The following SORCS3 variants were observed in gnomAD, a reference collection of about 807,000 sequenced individuals.
SORCS3 encodes the protein VPS10 domain-containing receptor SorCS3.
A neutral mutation model predicts 146.3 loss-of-function variants in SORCS3; 57 were observed. The observed-to-expected ratio is 0.39, with a 90% confidence interval of 0.31 to 0.49. SORCS3 has a LOEUF of 0.49. Among genes scored for constraint, SORCS3 ranks in the 20% least tolerant of loss-of-function variants. The pLI is 0.92. For synonymous variants in SORCS3, 653 were observed against 618.5 expected, an observed-to-expected ratio of 1.06 and a Z score of -0.83; for missense variants, 1,341 against 1,575.5, an observed-to-expected ratio of 0.85 and a Z score of 2.52.
At chr10:104,755,442 G>A (rs1192976414) in intron 1 of SORCS3, among the ~76,000 whole-genome samples, 1 of 152,188 alleles carries the variant, frequency 6.6e-6, no homozygotes, top group Non-Finnish European at 1.5e-5. Context: ...ATTTAGATCA[G>A]TAATAAGATT....
intron 12 of SORCS3, among the ~76,000 whole-genome samples, chr10:105,167,003 A>G (rs2056319380): frequency 6.6e-6 from 1 of 152,124 alleles, no homozygotes; most frequent in Admixed American, 6.5e-5. Context: ...TTCATGTAGC[A>G]TGCTGGTTCA....
At chr10:104,791,276 A>G (rs953125943) in intron 1 of SORCS3, among the ~76,000 whole-genome samples, 1 of 152,220 alleles carries the variant, frequency 6.6e-6, no homozygotes, top group Non-Finnish European at 1.5e-5. Context: ...TGGAGGTGCT[A>G]TGGATTCAGA....
intron 10 of SORCS3, 86 bp downstream of exon 10, chr10:105,157,370 T>A (rs546813895): frequency 1.6e-5 from 24 of 1,513,274 alleles, no homozygotes; most frequent in Non-Finnish European, 2.2e-5. Flanking sequence ...CGTCAAAGGG[T>A]CTTAGGAACT....
intron 1 of SORCS3, among the ~76,000 whole-genome samples, chr10:104,767,790 T>C (rs1406750403): frequency 1.7e-4 from 22 of 126,306 alleles, no homozygotes; most frequent in African/African-American, 6.6e-4. Flanking sequence ...CTTCCCTCCC[T>C]TTTCCCTTCT....
intron 20 of SORCS3, among the ~76,000 whole-genome samples, chr10:105,242,238 A>T (rs1209221210): frequency 7.2e-6 from 1 of 138,794 alleles, no homozygotes; most frequent in Non-Finnish European, 1.5e-5. Context: ...GTTATCATTT[A>T]TATATATATA....
At chr10:104,659,981 T>C (rs1438588231) in intron 1 of SORCS3, among the ~76,000 whole-genome samples, 1 of 152,176 alleles carries the variant, frequency 6.6e-6, no homozygotes, top group Non-Finnish European at 1.5e-5. Context: ...CAGAGATGCC[T>C]GCACAGTGGG....
intron 2 of SORCS3, among the ~76,000 whole-genome samples, chr10:104,913,427 A>G (rs938344300): frequency 2.6e-5 from 4 of 152,210 alleles, no homozygotes; most frequent in Non-Finnish European, 4.4e-5. Flanking sequence ...TGATTCCCAG[A>G]GCTTCTGTGC....
At chr10:104,643,709 GGTGTGTGTGT>G (rs3069967) in intron 1 of SORCS3, among the ~76,000 whole-genome samples, 2 of 144,638 alleles carry the variant, frequency 1.4e-5, no homozygotes, top group Admixed American at 1.4e-4. Flanking sequence ...TGATAATTAG[GGTGTGTGTGT>G]GTGTGTGTGT....
intron 6 of SORCS3, among the ~76,000 whole-genome samples, chr10:105,102,765 A>G (rs1469034779): frequency 2.0e-5 from 3 of 149,058 alleles, no homozygotes; most frequent in Non-Finnish European, 4.5e-5. Flanking sequence ...TTTTATATTT[A>G]AATTACCTCT....
intron 4 of SORCS3, among the ~76,000 whole-genome samples, chr10:105,023,145 G>T (rs1387235469): frequency 6.6e-6 from 1 of 152,086 alleles, no homozygotes; most frequent in East Asian, 1.9e-4. Flanking sequence ...CTTCTATTTG[G>T]TGAGATGGCA....
rs575261029 is a variant in SORCS3 at position 104,924,089 on chromosome 10, G to A, written c.795+8157G>A. 5.3e-5 allele frequency among the ~76,000 whole-genome samples: 8 copies of A among 152,264 alleles called. No homozygotes were observed. In the South Asian group the frequency reaches 1.5e-3, roughly 28 times the overall value. ...CATTTGCTCAGATTTGTTGCTGATG[G>A]TCATGTGCCTTGGTCTAATATGCTC... On this transcript the variant is annotated intron_variant, in intron 3 of 26. Coordinates refer to ENST00000369701, the MANE Select transcript of SORCS3 (RefSeq NM_014978.3).
intron 3 of SORCS3, among the ~76,000 whole-genome samples, chr10:104,936,267 C>T (rs2019259146): frequency 6.6e-6 from 1 of 151,098 alleles, no homozygotes; most frequent in South Asian, 2.1e-4. Flanking sequence ...TGAAATGGAG[C>T]AAGAAAAAAA....
intron 5 of SORCS3, among the ~76,000 whole-genome samples, chr10:105,047,018 A>G (rs1016814888): frequency 2.0e-5 from 3 of 151,736 alleles, no homozygotes; most frequent in African/African-American, 7.3e-5. Flanking sequence ...GTCATGGGGG[A>G]AAAGCTTTTC....
chr10:105,258,314 T>C (rs2056942426), intron 25 of SORCS3, among the ~76,000 whole-genome samples: 1 of 152,176 alleles, frequency 6.6e-6, no homozygotes, highest in African/African-American at 2.4e-5. Context: ...AACCTTTATG[T>C]CACAAAGTGA....
chr10:104,891,871 A>G (rs1589538571), intron 2 of SORCS3, among the ~76,000 whole-genome samples: 2 of 152,180 alleles, frequency 1.3e-5, no homozygotes, highest in African/African-American at 4.8e-5. Context: ...AACACACACT[A>G]TGACTGGCAC....
intron 14 of SORCS3, among the ~76,000 whole-genome samples, chr10:105,198,970 T>A (rs1270140095): frequency 1.3e-5 from 2 of 152,150 alleles, no homozygotes; most frequent in African/African-American, 4.8e-5. Context: ...CCTCATCTTT[T>A]AGAGAGCATA....
intron 8 of SORCS3, among the ~76,000 whole-genome samples, chr10:105,142,310 T>C (rs2056100753): frequency 3.3e-5 from 5 of 152,190 alleles, no homozygotes; most frequent in Admixed American, 3.3e-4. Flanking sequence ...TTCTGCACCC[T>C]TTTGTGTTTG....
At chr10:104,883,271 G>A (rs1288348741) in intron 2 of SORCS3, among the ~76,000 whole-genome samples, 1 of 152,164 alleles carries the variant, frequency 6.6e-6, no homozygotes, top group Non-Finnish European at 1.5e-5. Flanking sequence ...GAGAGTCTCT[G>A]AGGTCTTAAC....
At chr10:104,953,609 G>A (rs893799412) in intron 3 of SORCS3, among the ~76,000 whole-genome samples, 1 of 152,192 alleles carries the variant, frequency 6.6e-6, no homozygotes, top group African/African-American at 2.4e-5. Context: ...GTACCTATGA[G>A]ATTTTAGAAA....
Sources: allele counts gnomAD v4.1 joint callset (sites outside exome capture counted in the v4.1 genomes callset), GRCh38; gene constraint gnomAD v4.1.1; transcripts MANE v1.5; gene names NCBI Gene and HGNC (gene_info 2026-07-23, HGNC 2026-07-21).